ADAMTSL1: variants seen among roughly 807,000 people sequenced by gnomAD.
ADAMTSL1 encodes the protein ADAMTS like 1, also known as ADAMTS-like protein 1.
In ADAMTSL1, 126 loss-of-function variants were observed where a neutral mutation model predicts 201.8. That is an observed-to-expected ratio of 0.62 (90% CI 0.54 to 0.72). The LOEUF (loss-of-function observed/expected upper bound fraction) is 0.72, where lower values mean the gene tolerates loss of function less well. ADAMTSL1 is among the 30% of genes least tolerant of loss of function. The pLI, the probability that ADAMTSL1 is intolerant of heterozygous loss-of-function variation, is 0.00. For synonymous variants in ADAMTSL1, 1,121 were observed against 903.4 expected, an observed-to-expected ratio of 1.24 and a Z score of -4.32; for missense variants, 2,679 against 2,277.8, an observed-to-expected ratio of 1.18 and a Z score of -3.59.
At chr9:18,521,851 G>C (rs1171319340) in intron 2 of ADAMTSL1, among the ~76,000 whole-genome samples, 1 of 152,140 alleles carries the variant, frequency 6.6e-6, no homozygotes, top group South Asian at 2.1e-4. Context: ...AAAAAGATTA[G>C]AATATGGGAC....
At chr9:18,518,527 A>G (rs892875896) in intron 2 of ADAMTSL1, among the ~76,000 whole-genome samples, 5 of 152,184 alleles carry the variant, frequency 3.3e-5, no homozygotes, top group Admixed American at 2.6e-4. Flanking sequence ...TATGTACCAC[A>G]TTCTCTTTAT....
chr9:17,994,221 C>T (rs1819281826), intron 1 of ADAMTSL1, among the ~76,000 whole-genome samples: 1 of 152,102 alleles, frequency 6.6e-6, no homozygotes, highest in Admixed American at 6.6e-5. Context: ...TGACAAGTGA[C>T]ATTGGCTGTA....
chr9:18,080,742 A>T (rs1823462999), intron 1 of ADAMTSL1, among the ~76,000 whole-genome samples: 1 of 152,192 alleles, frequency 6.6e-6, no homozygotes, highest in Non-Finnish European at 1.5e-5. Flanking sequence ...GCACTAAGTG[A>T]TTTGCCTAAG....
At chr9:18,441,846 C>A (rs1307188836) in intron 2 of ADAMTSL1, among the ~76,000 whole-genome samples, 1 of 152,124 alleles carries the variant, frequency 6.6e-6, no homozygotes, top group East Asian at 1.9e-4. Context: ...TTACCTGGAA[C>A]AAAAGGTCCT....
At chr9:18,890,842 C>T (rs1214949205) in intron 25 of ADAMTSL1, 3 of 314,484 alleles carry the variant, frequency 9.5e-6, no homozygotes, top group Admixed American at 4.3e-5. Context: ...CCTTGCCAAG[C>T]TGTGCAAAAT....
chr9:18,430,299 T>C (rs2066151), intron 2 of ADAMTSL1, among the ~76,000 whole-genome samples: 104,288 of 151,992 alleles, frequency 0.69, 36,026 homozygotes, highest in East Asian at 0.91. Context: ...TCACCAACAG[T>C]ATTATTTTTC....
chr9:18,513,609 G>C (rs1340726087), intron 2 of ADAMTSL1, among the ~76,000 whole-genome samples: 2 of 152,116 alleles, frequency 1.3e-5, no homozygotes, highest in African/African-American at 2.4e-5. Flanking sequence ...TTTCCAGTTG[G>C]AGTTTTATAG....
chr9:18,613,346 G>A (rs1825499514), intron 4 of ADAMTSL1, among the ~76,000 whole-genome samples: 1 of 152,176 alleles, frequency 6.6e-6, no homozygotes, highest in South Asian at 2.1e-4. Flanking sequence ...ATTTGGCCCA[G>A]TAATCCCATT....
intron 1 of ADAMTSL1, among the ~76,000 whole-genome samples, chr9:17,984,383 A>G (rs949196380): frequency 6.6e-6 from 1 of 152,044 alleles, no homozygotes; most frequent in Non-Finnish European, 1.5e-5. Flanking sequence ...TAACTACTAA[A>G]TGGGACAATA....
chr9:18,875,507 G>A (rs189519921), intron 23 of ADAMTSL1, among the ~76,000 whole-genome samples: 23 of 152,092 alleles, frequency 1.5e-4, no homozygotes, highest in African/African-American at 5.1e-4. Context: ...TTTCATTGTC[G>A]ACACAACAGT....
At chr9:18,236,287 G>T (rs1288112022) in intron 2 of ADAMTSL1, among the ~76,000 whole-genome samples, 1 of 152,108 alleles carries the variant, frequency 6.6e-6, no homozygotes, top group East Asian at 1.9e-4. Context: ...GGCCAGGCTG[G>T]CTGGTCTTGA....
At chr9:18,607,924 T>A (rs1435336697) in intron 4 of ADAMTSL1, among the ~76,000 whole-genome samples, 9 of 152,218 alleles carry the variant, frequency 5.9e-5, no homozygotes. Flanking sequence ...TTTTTATGAC[T>A]ACATAGTATT....
chr9:18,764,685 G>C (rs1360730577), intron 16 of ADAMTSL1, among the ~76,000 whole-genome samples: 1 of 152,214 alleles, frequency 6.6e-6, no homozygotes. Context: ...TAAAGCATGG[G>C]CACATGACAG....
At chr9:18,214,714 C>G (rs1830000881) in intron 2 of ADAMTSL1, among the ~76,000 whole-genome samples, 1 of 151,928 alleles carries the variant, frequency 6.6e-6, no homozygotes, top group Admixed American at 6.6e-5. Context: ...CATAAAAACC[C>G]AGAAGTATCA....
intron 1 of ADAMTSL1, among the ~76,000 whole-genome samples, chr9:18,483,344 G>C (rs567692302): frequency 6.6e-6 from 1 of 152,230 alleles, no homozygotes; most frequent in African/African-American, 2.4e-5. Flanking sequence ...CTGGAATCTT[G>C]TGCTGTTTCC....
intron 1 of ADAMTSL1, among the ~76,000 whole-genome samples, chr9:18,066,331 A>G (rs1822700221): frequency 6.6e-6 from 1 of 152,212 alleles, no homozygotes; most frequent in South Asian, 2.1e-4. Flanking sequence ...CAGGGTAACT[A>G]GTGTTCAGTT....
chr9:18,815,183 AT>A (rs1280019584), intron 20 of ADAMTSL1, among the ~76,000 whole-genome samples: 1 of 152,156 alleles, frequency 6.6e-6, no homozygotes, highest in Non-Finnish European at 1.5e-5. Context: ...GAACTACCAT[AT>A]GATCCAGCAA....
At chr9:18,005,644 G>A (rs1037142916) in intron 1 of ADAMTSL1, among the ~76,000 whole-genome samples, 1 of 152,024 alleles carries the variant, frequency 6.6e-6, no homozygotes, top group East Asian at 1.9e-4. Flanking sequence ...TAACTTTTAG[G>A]TAGTAACAGA....
At chr9:18,661,867 A>C (rs1473677687) in intron 8 of ADAMTSL1, 68 bp from the exon 9 acceptor site, 1 of 1,504,120 alleles carries the variant, frequency 6.6e-7, no homozygotes, top group African/African-American at 1.4e-5. Context: ...GAGCTGGCCA[A>C]AATGCATAAA....
Sources: allele counts gnomAD v4.1 joint callset (sites outside exome capture counted in the v4.1 genomes callset), GRCh38; gene constraint gnomAD v4.1.1; transcripts MANE v1.5; gene names NCBI Gene and HGNC (gene_info 2026-07-23, HGNC 2026-07-21).